Variants in DGKB observed in about 807,000 individuals in gnomAD.
DGKB encodes the protein diacylglycerol kinase beta, also known as 90 kDa diacylglycerol kinase.
In DGKB, 67 loss-of-function variants were observed where a neutral mutation model predicts 114.3. That is an observed-to-expected ratio of 0.59 (90% CI 0.48 to 0.72). The LOEUF (loss-of-function observed/expected upper bound fraction) is 0.72. Ranked by LOEUF, DGKB falls within the 30% of genes least tolerant of loss-of-function variation. The pLI, the probability that DGKB is intolerant of heterozygous loss-of-function variation, is 0.00. For synonymous variants in DGKB, 398 were observed against 323.1 expected (o/e 1.23, Z -2.49); for missense variants, 907 against 975.2 (o/e 0.93, Z 0.93).
At chr7:14,648,326 G>A (rs191639160) in intron 13 of DGKB, among the ~76,000 whole-genome samples, 4,487 of 152,234 alleles carry the variant, frequency 0.029, 74 homozygotes, top group South Asian at 0.038. Flanking sequence ...TCCTCAAGTG[G>A]GTCCCTGACC....
chr7:14,930,815 C>T (rs1784977631), intron 1 of DGKB, among the ~76,000 whole-genome samples: 1 of 152,074 alleles, frequency 6.6e-6, no homozygotes. Flanking sequence ...CAACTTTTCC[C>T]TGTTCAGTAT....
At chr7:14,350,006 T>C (rs1353050794) in intron 21 of DGKB, among the ~76,000 whole-genome samples, 1 of 152,164 alleles carries the variant, frequency 6.6e-6, no homozygotes, top group East Asian at 1.9e-4. Flanking sequence ...GTTATTCATG[T>C]AATTATTATT....
chr7:14,284,197 G>A (rs559732529), intron 23 of DGKB, among the ~76,000 whole-genome samples: 291 of 150,676 alleles, frequency 1.9e-3, no homozygotes, highest in African/African-American at 6.6e-3. Flanking sequence ...AAAAGTGGGC[G>A]AAGGACATGA....
intron 13 of DGKB, among the ~76,000 whole-genome samples, chr7:14,672,487 A>G (rs1231736397): frequency 1.3e-5 from 2 of 152,058 alleles, no homozygotes; most frequent in African/African-American, 4.8e-5. Context: ...ATAGCAGTGC[A>G]TAACTTTCTT....
At chr7:14,264,622 T>C (rs1797232063) in intron 23 of DGKB, among the ~76,000 whole-genome samples, 1 of 152,198 alleles carries the variant, frequency 6.6e-6, no homozygotes, top group African/African-American at 2.4e-5. Flanking sequence ...ATAAGAAGTC[T>C]GGCTGTTCTA....
intron 20 of DGKB, among the ~76,000 whole-genome samples, chr7:14,561,348 TAC>T (rs1402926683): frequency 6.6e-6 from 1 of 152,178 alleles, no homozygotes; most frequent in East Asian, 1.9e-4. Context: ...CTTTATAAAT[TAC>T]ACAGTCTCAG....
chr7:14,699,678 C>A (rs1824755498), intron 7 of DGKB, among the ~76,000 whole-genome samples: 1 of 152,008 alleles, frequency 6.6e-6, no homozygotes, highest in Non-Finnish European at 1.5e-5. Flanking sequence ...CACATGATGT[C>A]AGAAGGTACA....
At chr7:14,247,033 A>G (rs1393475653) in intron 23 of DGKB, among the ~76,000 whole-genome samples, 1 of 151,566 alleles carries the variant, frequency 6.6e-6, no homozygotes, top group East Asian at 2.0e-4. Flanking sequence ...TCCTATTTCT[A>G]GAAGTCTGCT....
intron 20 of DGKB, among the ~76,000 whole-genome samples, chr7:14,549,605 G>C (rs1301997684): frequency 2.0e-5 from 3 of 152,136 alleles, no homozygotes; most frequent in African/African-American, 7.2e-5. Context: ...GCGATAAAGA[G>C]AATGCAGGGA....
At chr7:14,572,298 A>C (rs1380041640) in intron 20 of DGKB, among the ~76,000 whole-genome samples, 1 of 151,520 alleles carries the variant, frequency 6.6e-6, no homozygotes, top group Non-Finnish European at 1.5e-5. Context: ...AAAAAAAAAA[A>C]AAAATTAGCC....
At chr7:14,224,065 A>G (rs959256353) in intron 23 of DGKB, among the ~76,000 whole-genome samples, 1 of 151,722 alleles carries the variant, frequency 6.6e-6, no homozygotes, top group African/African-American at 2.4e-5. Flanking sequence ...AGATATGTAT[A>G]TTAATATTTT....
At chr7:14,672,794 A>G (rs1819185988) in intron 13 of DGKB, 135 bp downstream of exon 13, 5 of 479,720 alleles carry the variant, frequency 1.0e-5, no homozygotes, top group Non-Finnish European at 1.9e-5. Flanking sequence ...TCTGTTTCAG[A>G]GTAACGACGT....
chr7:14,477,679 T>C (rs1219658404), intron 21 of DGKB, among the ~76,000 whole-genome samples: 3 of 152,178 alleles, frequency 2.0e-5, no homozygotes, highest in African/African-American at 7.2e-5. Context: ...CTTGAAGAAA[T>C]GTCTCTAAAA....
intron 20 of DGKB, among the ~76,000 whole-genome samples, chr7:14,536,426 A>T (rs944872560): frequency 6.6e-6 from 1 of 152,196 alleles, no homozygotes; most frequent in African/African-American, 2.4e-5. Context: ...AATATTTAGC[A>T]AATCAAGTTC....
intron 1 of DGKB, among the ~76,000 whole-genome samples, chr7:14,891,949 C>T (rs1781303214): frequency 6.6e-6 from 1 of 151,248 alleles, no homozygotes; most frequent in African/African-American, 2.4e-5. Context: ...GCATTCAATA[C>T]CCCAATTGAA....
At chr7:14,520,463 C>A (rs1336585390) in intron 20 of DGKB, among the ~76,000 whole-genome samples, 1 of 151,758 alleles carries the variant, frequency 6.6e-6, no homozygotes, top group Non-Finnish European at 1.5e-5. Context: ...GCATTTACAT[C>A]TATAAATGTT....
At chr7:14,177,842 A>G (rs1782013999) in intron 24 of DGKB, among the ~76,000 whole-genome samples, 189 bp downstream of exon 24, 2 of 152,186 alleles carry the variant, frequency 1.3e-5, no homozygotes, top group Non-Finnish European at 1.5e-5. Flanking sequence ...CCAACAAACC[A>G]TATCAGTAAT....
intron 2 of DGKB, among the ~76,000 whole-genome samples, chr7:14,797,873 G>A (rs1841620246): frequency 6.6e-6 from 1 of 152,144 alleles, no homozygotes; most frequent in Non-Finnish European, 1.5e-5. Context: ...ACTGCCCGCA[G>A]CTTGGCAAGT....
At chr7:14,708,436 A>C (rs921918163) in intron 6 of DGKB, among the ~76,000 whole-genome samples, 17 of 142,796 alleles carry the variant, frequency 1.2e-4, no homozygotes, top group South Asian at 4.6e-4. Flanking sequence ...GCTACCAATG[A>C]CTTTCTTCAC....
Sources: gnomAD v4.1 joint callset for allele counts (sites outside exome capture counted in the v4.1 genomes callset) on GRCh38, gnomAD v4.1.1 for gene constraint, MANE v1.5 for transcripts, NCBI Gene and HGNC (gene_info 2026-07-23, HGNC 2026-07-21) for gene names.